The following ROPN1L variants were observed in gnomAD, a reference collection of about 807,000 sequenced individuals.
The protein encoded by ROPN1L is rhophilin associated tail protein 1 like.
Under a neutral mutation model 22.7 loss-of-function variants are expected in ROPN1L, and 23 were observed. The ratio of observed to expected loss-of-function variants is 1.01; its 90% CI spans 0.73 to 1.43. The LOEUF is 1.43. Ranked by LOEUF, ROPN1L falls within the 40% of genes most tolerant of loss-of-function variation. The probability of loss-of-function intolerance (pLI) is 0.00; values close to 1 mark genes in which losing one functional copy is unlikely to be tolerated. For missense variants in ROPN1L, 271 were observed against 291.5 expected (o/e 0.93, Z 0.51); for synonymous variants, 116 against 117.8 (o/e 0.98, Z 0.10).
the ROPN1L span, among the ~76,000 whole-genome samples, chr5:10,482,465 C>T: frequency 1.3e-5 from 2 of 152,128 alleles, no homozygotes; most frequent in African/African-American, 4.8e-5. Flanking sequence ...ATTTTGATAA[C>T]ATCAATGTCA....
intron 1 of ROPN1L, among the ~76,000 whole-genome samples, chr5:10,447,354 C>T (rs998771575): frequency 6.6e-6 from 1 of 152,154 alleles, no homozygotes; most frequent in African/African-American, 2.4e-5. Flanking sequence ...GTTTCCCACT[C>T]TTGCCCCCAA....
chr5:10,442,641 C>G (rs1740925105), intron 1 of ROPN1L, among the ~76,000 whole-genome samples: 1 of 152,216 alleles, frequency 6.6e-6, no homozygotes. Context: ...AAAAAAATTA[C>G]ACGGTTGCAG....
intron 3 of ROPN1L, among the ~76,000 whole-genome samples, chr5:10,451,162 A>C (rs562358300): frequency 6.6e-6 from 1 of 152,372 alleles, no homozygotes; most frequent in Non-Finnish European, 1.5e-5. Context: ...CTGTGGCCCC[A>C]GTGTGTATAA....
At chr5:10,471,295 T>C (rs944032012) in intron 4 of ROPN1L, among the ~76,000 whole-genome samples, 30 of 151,922 alleles carry the variant, frequency 2.0e-4, no homozygotes, top group Admixed American at 6.6e-4. Flanking sequence ...AAGCCACCAC[T>C]GCTGGCTAAT....
chr5:10,479,534 A>T, the ROPN1L span: 1 of 152,208 alleles, frequency 6.6e-6, no homozygotes, highest in Non-Finnish European at 1.5e-5. Flanking sequence ...CAGGGTGGGC[A>T]GAGGTGGGGC....
chr5:10,480,519 TG>T, the ROPN1L span, among the ~76,000 whole-genome samples: 1 of 151,484 alleles, frequency 6.6e-6, no homozygotes, highest in Non-Finnish European at 1.5e-5. Context: ...TGCGTGTGCT[TG>T]GGGTGGGTCG....
intron 4 of ROPN1L, among the ~76,000 whole-genome samples, chr5:10,464,319 G>A (rs1735109141): frequency 2.0e-5 from 3 of 152,342 alleles, no homozygotes; most frequent in South Asian, 2.1e-4. Flanking sequence ...GGTGTCTGCA[G>A]TCACATGGAC....
At chr5:10,445,400 C>T (rs1049639467) in intron 1 of ROPN1L, among the ~76,000 whole-genome samples, 5 of 152,168 alleles carry the variant, frequency 3.3e-5, no homozygotes, top group African/African-American at 9.7e-5. Flanking sequence ...TCAAAAGTAA[C>T]TTGAGTAAGG....
At chr5:10,458,973 C>T (rs1236822230) in intron 3 of ROPN1L, among the ~76,000 whole-genome samples, 7 of 139,610 alleles carry the variant, frequency 5.0e-5, no homozygotes, top group Non-Finnish European at 7.8e-5. Flanking sequence ...CTGTATACAC[C>T]ACCCCGCCTG....
At chr5:10,444,547 T>C (rs1740994548) in intron 1 of ROPN1L, among the ~76,000 whole-genome samples, 1 of 151,200 alleles carries the variant, frequency 6.6e-6, no homozygotes, top group South Asian at 2.1e-4. Flanking sequence ...CACTTGGGCC[T>C]CCCAAAGTGC....
At chr5:10,459,149 AT>A (rs944936177) in intron 3 of ROPN1L, among the ~76,000 whole-genome samples, 2 of 151,574 alleles carry the variant, frequency 1.3e-5, no homozygotes, top group African/African-American at 4.8e-5. Context: ...GGCACCAAAC[AT>A]TGGAACCACT....
chr5:10,461,482 A>G (rs1031049942), intron 4 of ROPN1L, 123 bp downstream of exon 4: 2 of 823,074 alleles, frequency 2.4e-6, no homozygotes, highest in Admixed American at 2.3e-5. Flanking sequence ...AATAATCAAC[A>G]CAGAAGACTG....
At chr5:10,465,824 C>T (rs1043560643), downstream of ROPN1L, among the ~76,000 whole-genome samples, 2 of 152,160 alleles carry the variant, frequency 1.3e-5, no homozygotes, top group African/African-American at 2.4e-5. Flanking sequence ...TGCACTAGAG[C>T]GAGACTCCAT....
rs532900787 is a variant in ROPN1L, at chr5:10,449,843, T to G, written c.256-109T>G. 1.4e-5 allele frequency: 12 copies of G among 870,056 alleles called. No homozygotes were observed. In the South Asian group the frequency reaches 2.0e-4, roughly 14 times the overall value. 53.9% of individuals were successfully genotyped at this position (870,056 alleles called of 1,614,324 possible). A position where few individuals can be genotyped will look rare whatever the true frequency, so the allele number is the denominator to read the frequency against. ...CCCTGTCATGCATTTGGAGTTCATC[T>G]GTCCCCTGCATGGGGCGGGTTACTT... On this transcript the variant is annotated intron_variant, in intron 2 of 4. Coordinates refer to ENST00000274134, the MANE Select transcript of ROPN1L (RefSeq NM_031916.5).
chr5:10,450,543 G>A (rs1466468248), intron 3 of ROPN1L, among the ~76,000 whole-genome samples: 1 of 152,092 alleles, frequency 6.6e-6, no homozygotes, highest in East Asian at 1.9e-4. Context: ...TTGTTGCCCA[G>A]GCTGGAGTAC....
intron 4 of ROPN1L, chr5:10,471,737 A>AT (rs1167957708): frequency 2.0e-5 from 3 of 152,492 alleles, no homozygotes; most frequent in Non-Finnish European, 4.4e-5. Flanking sequence ...CACCCCCCAC[A>AT]TCCCCCCAGG....
chr5:10,457,545 G>T (rs1032360859), intron 3 of ROPN1L, among the ~76,000 whole-genome samples: 1 of 152,246 alleles, frequency 6.6e-6, no homozygotes, highest in Non-Finnish European at 1.5e-5. Flanking sequence ...CCTGGCCAAG[G>T]TGTCTGTCTG....
chr5:10,445,718 G>A (rs1741036762), intron 1 of ROPN1L, among the ~76,000 whole-genome samples: 1 of 152,158 alleles, frequency 6.6e-6, no homozygotes, highest in African/African-American at 2.4e-5. Context: ...TTGAGCTCAG[G>A]AGCTCGAGAC....
chr5:10,460,608 G>A (rs533956807), intron 3 of ROPN1L, among the ~76,000 whole-genome samples: 31 of 152,242 alleles, frequency 2.0e-4, no homozygotes, highest in Non-Finnish European at 3.8e-4. Context: ...GAGGAAGTCC[G>A]GTTGCTGTTC....
Sources: gnomAD v4.1 joint callset for allele counts (sites outside exome capture counted in the v4.1 genomes callset) on GRCh38, gnomAD v4.1.1 for gene constraint, MANE v1.5 for transcripts, NCBI Gene and HGNC (gene_info 2026-07-23, HGNC 2026-07-21) for gene names.